SQSTM1: variants seen among roughly 807,000 people sequenced by gnomAD.
The protein encoded by SQSTM1 is sequestosome 1.
Under a neutral mutation model 45.1 loss-of-function variants are expected in SQSTM1, and 36 were observed. The observed-to-expected ratio is 0.80, with a 90% CI of 0.61 to 1.05. The LOEUF (loss-of-function observed/expected upper bound fraction) is 1.05. Ranked by LOEUF, SQSTM1 falls within the 50% of genes least tolerant of loss-of-function variation. The pLI, the probability that SQSTM1 is intolerant of heterozygous loss-of-function variation, is 0.00. For synonymous variants in SQSTM1, 290 were observed against 244.3 expected, an observed-to-expected ratio of 1.19 and a Z score of -1.74; for missense variants, 617 against 607.1, an observed-to-expected ratio of 1.02 and a Z score of -0.17.
intron 7 of SQSTM1, chr5:179,835,186 C>T (rs1262367158): frequency 1.5e-5 from 3 of 204,724 alleles, no homozygotes; most frequent in African/African-American, 4.8e-5. Flanking sequence ...GGCAGAGACG[C>T]TCCTCACTTT....
At chr5:179,817,354 C>T (rs1486056440), upstream of SQSTM1, among the ~76,000 whole-genome samples, 2 of 152,220 alleles carry the variant, frequency 1.3e-5, no homozygotes, top group African/African-American at 2.4e-5. Flanking sequence ...CCCCTTTTCC[C>T]CACTCCGCGG....
rs61746305 is a variant in SQSTM1, at chr5:179,837,666, C to T, written c.*1073C>T. On this transcript the variant is annotated 3_prime_UTR_variant, in exon 8 of 8. Transcript: ENST00000389805. ...TGTGCTGGACCAGCTGGCCTGGGGT[C>T]CCTCTGAAGAGACCTTGGCTGCTCA... The T allele has an allele frequency of 3.0e-4, 481 of 1,614,230 alleles. 1 individual carries two copies. In the African/African-American group the frequency reaches 5.9e-3, roughly 20 times the overall value.
rs200695664 is a variant in SQSTM1 at position 179,833,219 on chromosome 5, C to G, written c.942C>G (p.Ile314Met). The G allele has an allele frequency of 6.2e-7, 1 of 1,604,358 alleles. No homozygotes were observed. The highest frequency in any genetic ancestry group is 8.5e-7 in the Non-Finnish European group (1 of 1,176,378). The change falls in exon 6 of 8, where the codon ATC becomes ATG. Residue 314 changes from isoleucine to methionine, a missense_variant. By Grantham distance (10) the Ile-to-Met change is conservative. Coordinates refer to ENST00000389805, the MANE Select transcript of SQSTM1 (RefSeq NM_003900.5). Reference sequence around the variant, plus strand: ...CTCTGGCGGAGCAGATGAGGAAGATCGCCTTGGAGTCCGAGGGGCGCCCTG... The same window carrying G: ...CTCTGGCGGAGCAGATGAGGAAGATGGCCTTGGAGTCCGAGGGGCGCCCTG... The part of the protein sequence containing the change: ...TQSLAEQMRK[I>M]ALESEGRPEE...
At position 179,837,752 on chromosome 5, in the gene SQSTM1, G is replaced by T. The variant is rs766672073; in HGVS notation, c.*1159G>T. ...AAATTGCGCCCATTTAGAGGATGTGGCTGTAACCTGCTGGATGGGACTCCA... is the reference window on the plus strand; with the variant it reads ...AAATTGCGCCCATTTAGAGGATGTGTCTGTAACCTGCTGGATGGGACTCCA... On this transcript the variant is annotated 3_prime_UTR_variant, in exon 8 of 8. Transcript: ENST00000389805. 4 of 1,614,232 alleles carry T rather than the reference G, an allele frequency of 2.5e-6. No homozygotes were observed. The South Asian group carries it at 4.4e-5, about 18-fold the overall frequency.
At chr5:179,828,369 C>CTTTTTTTTT (rs57483633) in intron 5 of SQSTM1, among the ~76,000 whole-genome samples, 7 of 98,270 alleles carry the variant, frequency 7.1e-5, no homozygotes, top group African/African-American at 2.8e-4. Flanking sequence ...TTTTTCTTAT[C>CTTTTTTTTT]TTTTTTTTTT....
At chr5:179,833,916 T>G in intron 7 of SQSTM1, 134 bp downstream of exon 7, 1 of 1,003,280 alleles carries the variant, frequency 1.0e-6, no homozygotes, top group East Asian at 2.6e-5. Context: ...TGTGGGAGGT[T>G]AGGAGTTGGT....
intron 7 of SQSTM1, among the ~76,000 whole-genome samples, chr5:179,834,407 T>TTA (rs1758407872): frequency 6.6e-6 from 1 of 151,188 alleles, no homozygotes; most frequent in Admixed American, 6.6e-5. Flanking sequence ...TAGTTCTTAT[T>TTA]TTTGTTTATT....
chr5:179,820,770 G>A, upstream of SQSTM1: 1 of 567,410 alleles, frequency 1.8e-6, no homozygotes, highest in Non-Finnish European at 2.9e-6. Flanking sequence ...GAGTAGTGAA[G>A]GGGCCTCTGC....
intron 5 of SQSTM1, 124 bp from the exon 6 acceptor site, chr5:179,832,908 A>G: frequency 1.0e-6 from 1 of 987,042 alleles, no homozygotes; most frequent in Non-Finnish European, 1.6e-6. Context: ...CCAGACACTT[A>G]GCTGCTTGTG....
chr5:179,833,469 C>T (rs1169250418), intron 6 of SQSTM1, 118 bp from the exon 7 acceptor site: 3 of 1,149,168 alleles, frequency 2.6e-6, no homozygotes, highest in Non-Finnish European at 3.8e-6. Flanking sequence ...TAGACCCCTG[C>T]AGCCTTAACT....
upstream of SQSTM1, among the ~76,000 whole-genome samples, chr5:179,817,645 T>C (rs577584072): frequency 1.3e-5 from 2 of 152,250 alleles, no homozygotes; most frequent in East Asian, 3.9e-4. Flanking sequence ...TGCAAACCCC[T>C]TGTGGGCGTG....
chr5:179,836,709 G>T lies in SQSTM1; in HGVS notation c.*116G>T, dbSNP rs1163779153. On this transcript the variant is annotated 3_prime_UTR_variant, in exon 8 of 8. Transcript: ENST00000389805. ...TTCTCTGCCTTCTTCCAGGATCAGGGGTTAGGGTGCAAGAAGCCATTTAGG... is the reference window on the plus strand; with the variant it reads ...TTCTCTGCCTTCTTCCAGGATCAGGTGTTAGGGTGCAAGAAGCCATTTAGG... 1 of 1,528,786 alleles carries T rather than the reference G, an allele frequency of 6.5e-7. No individual in the cohort carries two copies. The highest frequency in any genetic ancestry group is 9.0e-7 in the Non-Finnish European group (1 of 1,105,746). The allele number at this position is 1,528,786 out of a possible 1,614,324, so 94.7% of individuals were successfully genotyped here.
At position 179,806,435 on chromosome 5, in the gene SQSTM1, G is replaced by A. The variant is rs1757161229; in HGVS notation, c.-313G>A. 7 of 1,119,536 alleles carry A rather than the reference G, an allele frequency of 6.3e-6. No homozygotes were observed. The highest frequency in any genetic ancestry group is 2.9e-5 in the South Asian group (1 of 34,536). 69.4% of individuals were successfully genotyped at this position (1,119,536 alleles called of 1,614,324 possible). A position where few individuals can be genotyped will look rare whatever the true frequency, so the allele number is the denominator to read the frequency against. On this transcript the variant is annotated 5_prime_UTR_variant, in exon 1 of 6. Coordinates refer to the SQSTM1 transcript ENST00000514093. This position sits in a 1 kb window ranked among gnomAD's most constrained non-coding sequence, Gnocchi z 4.6. ...CGCGGCCACCGCCGGGCCCGCTCCC[G>A]CCGCCGACGCCCAGGTGCGCCAGGT...
intron 5 of SQSTM1, 47 bp from the exon 6 acceptor site, chr5:179,832,985 A>G: frequency 1.9e-6 from 3 of 1,602,364 alleles, no homozygotes; most frequent in South Asian, 1.1e-5. Flanking sequence ...TTGCAGGTGC[A>G]TCCTTGGGGG....
Position 179,823,067 on chromosome 5 carries a change from C to G in SQSTM1, c.301+14C>G, listed in dbSNP as rs1168360152. 1.2e-6 allele frequency: 2 copies of G among 1,611,386 alleles called. No individual in the cohort carries two copies. Among genetic ancestry groups the G allele is most frequent in the African/African-American group, 2.7e-5 (2 of 74,864 alleles). ...TCTACATTAAAGGTAAGGGGCTGCTCTGGGGGCTGCCTGAAGCCAGCTCAG... is the reference window on the plus strand; with the variant it reads ...TCTACATTAAAGGTAAGGGGCTGCTGTGGGGGCTGCCTGAAGCCAGCTCAG... On this transcript the variant is annotated intron_variant, in intron 2 of 7. Coordinates refer to ENST00000389805, the MANE Select transcript of SQSTM1 (RefSeq NM_003900.5).
chr5:179,820,869 G>C (rs1185119228), upstream of SQSTM1: 3 of 1,362,126 alleles, frequency 2.2e-6, no homozygotes, highest in African/African-American at 3.0e-5. Flanking sequence ...GGGCCTCCGC[G>C]TTCGCTACAA....
intron 5 of SQSTM1, among the ~76,000 whole-genome samples, chr5:179,829,145 G>A (rs1377237628): frequency 6.6e-6 from 1 of 152,232 alleles, no homozygotes; most frequent in African/African-American, 2.4e-5. Flanking sequence ...AATTCCAGGA[G>A]CACCTGACCC....
intron 5 of SQSTM1, among the ~76,000 whole-genome samples, chr5:179,832,563 G>A (rs1758276898): frequency 6.6e-6 from 1 of 152,242 alleles, no homozygotes; most frequent in Non-Finnish European, 1.5e-5. Context: ...TGCCACATGT[G>A]GTATTGGCTC....
At chr5:179,809,637 C>CTTTTTT (rs1181470503) in intron 1 of SQSTM1, among the ~76,000 whole-genome samples, 8 of 77,664 alleles carry the variant, frequency 1.0e-4, no homozygotes, top group African/African-American at 1.6e-4. Flanking sequence ...GCGCCTGGCC[C>CTTTTTT]TTTTTTTTTT....
Sources: gnomAD v4.1 joint callset for allele counts (sites outside exome capture counted in the v4.1 genomes callset) on GRCh38, gnomAD v4.1.1 for gene constraint, Gnocchi (gnomAD v3.1) non-coding constraint, MANE v1.5 for transcripts, NCBI Gene and HGNC (gene_info 2026-07-23, HGNC 2026-07-21) for gene names.